The following TM9SF3 variants were observed in gnomAD, a reference collection of about 807,000 sequenced individuals.
TM9SF3 encodes the protein transmembrane 9 superfamily member 3, also known as SM-11044-binding protein.
TM9SF3 carries 14 observed loss-of-function variants against 78.6 expected under a neutral mutation model. The ratio of observed to expected loss-of-function variants is 0.18; its 90% CI spans 0.12 to 0.28. The LOEUF (loss-of-function observed/expected upper bound fraction) is 0.28, where lower values mean the gene tolerates loss of function less well. Among genes scored for constraint, TM9SF3 ranks in the 10% least tolerant of loss-of-function variants. TM9SF3 has a pLI of 1.00. For missense variants in TM9SF3, 496 were observed against 721.9 expected (o/e 0.69, Z 3.59); for synonymous variants, 231 against 241.7 (o/e 0.96, Z 0.41).
chr10:96,573,584 T>C (rs1364415718), intron 2 of TM9SF3, among the ~76,000 whole-genome samples: 1 of 152,198 alleles, frequency 6.6e-6, no homozygotes, highest in South Asian at 2.1e-4. Flanking sequence ...AGTGCTTAGC[T>C]TAGTCTGAAA....
At chr10:96,547,438 T>C (rs530208867) in intron 8 of TM9SF3, among the ~76,000 whole-genome samples, 219 of 152,320 alleles carry the variant, frequency 1.4e-3, no homozygotes, top group African/African-American at 5.2e-3. Context: ...TTCATAATTT[T>C]AGGAAATAAA....
intron 1 of TM9SF3, among the ~76,000 whole-genome samples, chr10:96,579,699 G>A (rs930610713): frequency 6.6e-6 from 1 of 151,028 alleles, no homozygotes; most frequent in African/African-American, 2.5e-5. Flanking sequence ...AGAGTTTAGG[G>A]TGAATAGCAA....
chr10:96,524,664 T>G (rs1847818542), intron 14 of TM9SF3, among the ~76,000 whole-genome samples: 1 of 151,902 alleles, frequency 6.6e-6, no homozygotes, highest in East Asian at 1.9e-4. Flanking sequence ...ACTTTTAAAC[T>G]TAATTCCTCA....
intron 2 of TM9SF3, among the ~76,000 whole-genome samples, chr10:96,566,486 A>G (rs1388398246): frequency 2.0e-5 from 3 of 152,184 alleles, no homozygotes; most frequent in Admixed American, 6.5e-5. Flanking sequence ...AGACCAACCT[A>G]AAGTGGGTAC....
intron 1 of TM9SF3, among the ~76,000 whole-genome samples, chr10:96,585,030 T>C (rs971432291): frequency 4.6e-5 from 7 of 152,212 alleles, no homozygotes; most frequent in Non-Finnish European, 1.0e-4. Flanking sequence ...TAAAACTGCA[T>C]TGAAATTACA....
At chr10:96,536,891 G>A (rs1847966617) in intron 9 of TM9SF3, among the ~76,000 whole-genome samples, 1 of 152,122 alleles carries the variant, frequency 6.6e-6, no homozygotes, top group African/African-American at 2.4e-5. Context: ...CAACTCCTGG[G>A]CTTAAGTGAT....
At chr10:96,541,071 CA>C (rs1848025084) in intron 9 of TM9SF3, among the ~76,000 whole-genome samples, 1 of 151,756 alleles carries the variant, frequency 6.6e-6, no homozygotes, top group Non-Finnish European at 1.5e-5. Flanking sequence ...GCCAGTTTTA[CA>C]AATCTTTCAA....
At chr10:96,534,325 C>A (rs369098065) in intron 9 of TM9SF3, among the ~76,000 whole-genome samples, 4 of 152,138 alleles carry the variant, frequency 2.6e-5, no homozygotes, top group Admixed American at 2.6e-4. Flanking sequence ...AATTTATCTG[C>A]GTTTCAGTTT....
chr10:96,557,589 T>G (rs1354942843), intron 5 of TM9SF3, among the ~76,000 whole-genome samples: 1 of 152,164 alleles, frequency 6.6e-6, no homozygotes, highest in East Asian at 1.9e-4. Context: ...AAATCTGCAG[T>G]CCTTAAAATG....
chr10:96,552,684 C>T (rs1210971904), intron 6 of TM9SF3, among the ~76,000 whole-genome samples: 1 of 152,048 alleles, frequency 6.6e-6, no homozygotes, highest in African/African-American at 2.4e-5. Flanking sequence ...CAAGAGGTTA[C>T]ACTATTTATT....
intron 10 of TM9SF3, 150 bp from the exon 11 acceptor site, chr10:96,530,758 G>A (rs1847885279): frequency 4.9e-6 from 3 of 617,412 alleles, no homozygotes; most frequent in Admixed American, 6.8e-5. Flanking sequence ...ACCCAAAGAG[G>A]CACAATACAT....
intron 1 of TM9SF3, among the ~76,000 whole-genome samples, chr10:96,582,118 A>C (rs1009497526): frequency 6.6e-6 from 1 of 152,208 alleles, no homozygotes; most frequent in Non-Finnish European, 1.5e-5. Context: ...AAAAAAAAAA[A>C]AATCTGACTT....
intron 1 of TM9SF3, among the ~76,000 whole-genome samples, chr10:96,585,819 ACTCT>A (rs1848622215): frequency 6.6e-6 from 1 of 152,110 alleles, no homozygotes; most frequent in Non-Finnish European, 1.5e-5. Context: ...CGTCAAGCAA[ACTCT>A]CAATTTACCT....
At position 96,586,724 on chromosome 10, in the gene TM9SF3, G is replaced by A. The variant is rs1390957731; in HGVS notation, c.102+10C>T. 8.2e-7 allele frequency: 1 copy of A among 1,225,804 alleles called. No homozygotes were observed. Among genetic ancestry groups the A allele is most frequent in the Non-Finnish European group, 1.0e-6 (1 of 984,086 alleles). 75.9% of individuals were successfully genotyped at this position (1,225,804 alleles called of 1,614,324 possible). A position where few individuals can be genotyped will look rare whatever the true frequency, so the allele number is the denominator to read the frequency against. On this transcript the variant is annotated intron_variant, in intron 1 of 14. Coordinates refer to ENST00000371142, the MANE Select transcript of TM9SF3 (RefSeq NM_020123.4). ...AGCCCGGGGCGGCCGCGCCGGCCGG[G>A]GCGCCTCACCGTGTGTTCGTGCTCG...
At chr10:96,549,081 TAGC>T (rs1467287300) in intron 7 of TM9SF3, among the ~76,000 whole-genome samples, 6 of 152,064 alleles carry the variant, frequency 3.9e-5, no homozygotes, top group Admixed American at 2.6e-4. Flanking sequence ...ACTTTCAGAG[TAGC>T]AGCAGCAGCA....
intron 8 of TM9SF3, among the ~76,000 whole-genome samples, chr10:96,547,155 C>A (rs1264197992): frequency 6.6e-6 from 1 of 152,192 alleles, no homozygotes; most frequent in African/African-American, 2.4e-5. Context: ...TAGCAGAAAT[C>A]TTTGCGAAGG....
At chr10:96,581,983 T>C (rs1848574774) in intron 1 of TM9SF3, among the ~76,000 whole-genome samples, 1 of 152,192 alleles carries the variant, frequency 6.6e-6, no homozygotes, top group African/African-American at 2.4e-5. Flanking sequence ...CGGCCTCAGT[T>C]TGTTCATTGT....
chr10:96,561,440 G>C (rs1335883465), intron 4 of TM9SF3, among the ~76,000 whole-genome samples: 5 of 152,110 alleles, frequency 3.3e-5, no homozygotes, highest in African/African-American at 1.2e-4. Flanking sequence ...ACTGGCAGAG[G>C]CTACCTACAC....
At position 96,521,155 on chromosome 10, in the gene TM9SF3, G is replaced by A. The variant is rs1847763697; in HGVS notation, c.*1108C>T. On this transcript the variant is annotated 3_prime_UTR_variant, in exon 15 of 15. Transcript: ENST00000371142. Reference sequence around the variant, plus strand: ...ACAACCCCCCTCCCAAAAGAAGTATGACACACACATTTTGAAGAAACCCCA... The same window carrying A: ...ACAACCCCCCTCCCAAAAGAAGTATAACACACACATTTTGAAGAAACCCCA... 1 of 351,078 alleles carries A rather than the reference G, an allele frequency of 2.8e-6. No homozygotes were observed. Among genetic ancestry groups the A allele is most frequent in the East Asian group, 4.0e-5 (1 of 24,924 alleles). 21.7% of individuals were successfully genotyped at this position (351,078 alleles called of 1,614,324 possible). A position where few individuals can be genotyped will look rare whatever the true frequency, so the allele number is the denominator to read the frequency against.
Sources: gnomAD v4.1 joint callset for allele counts (sites outside exome capture counted in the v4.1 genomes callset) on GRCh38, gnomAD v4.1.1 for gene constraint, MANE v1.5 for transcripts, NCBI Gene and HGNC (gene_info 2026-07-23, HGNC 2026-07-21) for gene names.